CNTN3: variants seen among roughly 807,000 people sequenced by gnomAD.
The protein encoded by CNTN3 is contactin 3.
Under a neutral mutation model 119.1 loss-of-function variants are expected in CNTN3, and 60 were observed. The ratio of observed to expected loss-of-function variants is 0.50; its 90% CI spans 0.41 to 0.62. The LOEUF (loss-of-function observed/expected upper bound fraction) is 0.62, where lower values mean the gene tolerates loss of function less well. CNTN3 is among the 20% of genes least tolerant of loss of function. CNTN3 has a pLI of 0.00. For missense variants in CNTN3, 1,101 were observed against 1,242.4 expected (o/e 0.89, Z 1.71); for synonymous variants, 450 against 438.7 (o/e 1.03, Z -0.32).
intron 1 of CNTN3, among the ~76,000 whole-genome samples, chr3:74,605,848 G>A (rs952160098): frequency 6.6e-6 from 1 of 152,142 alleles, no homozygotes; most frequent in African/African-American, 2.4e-5. Flanking sequence ...TCAAGGGAAA[G>A]GGAAATGGAC....
At chr3:74,440,154 T>G (rs1380664804) in intron 4 of CNTN3, among the ~76,000 whole-genome samples, 1 of 152,204 alleles carries the variant, frequency 6.6e-6, no homozygotes, top group Non-Finnish European at 1.5e-5. Flanking sequence ...TGTGGTGCAT[T>G]TTTTGTCTGT....
At chr3:74,437,962 C>A (rs1196963618) in intron 4 of CNTN3, among the ~76,000 whole-genome samples, 1 of 152,140 alleles carries the variant, frequency 6.6e-6, no homozygotes, top group Non-Finnish European at 1.5e-5. Context: ...AAGACTATTA[C>A]ACAATATCAT....
rs192136866 is a variant in CNTN3, at chr3:74,367,080, C to T, written c.947-1378G>A. ...ACTGCCACATCAATTCTGATTTCTC[C>T]CTTTATTCCATCATATGAGATGCAA... On this transcript the variant is annotated intron_variant, in intron 8 of 22. Transcript: ENST00000263665. Among the ~76,000 whole-genome samples the T allele has an allele frequency of 9.9e-5, 15 of 151,536 alleles. 1 individual carries two copies. The highest frequency in any genetic ancestry group is 9.9e-4 in the Admixed American group (15 of 15,172).
At chr3:74,566,079 G>A (rs995803288) in intron 1 of CNTN3, among the ~76,000 whole-genome samples, 2 of 152,146 alleles carry the variant, frequency 1.3e-5, no homozygotes, top group Admixed American at 1.3e-4. Flanking sequence ...GTGGAACTAT[G>A]AGTCAATTAA....
At chr3:74,476,180 A>G (rs1040788394) in intron 4 of CNTN3, among the ~76,000 whole-genome samples, 1 of 152,210 alleles carries the variant, frequency 6.6e-6, no homozygotes, top group African/African-American at 2.4e-5. Context: ...AGAGAAACAC[A>G]CACAAAACAA....
intron 4 of CNTN3, among the ~76,000 whole-genome samples, chr3:74,462,112 C>G (rs993172109): frequency 6.6e-6 from 1 of 151,828 alleles, no homozygotes; most frequent in Admixed American, 6.6e-5. Flanking sequence ...GGGAACATCC[C>G]CTCTCACTCT....
chr3:74,348,204 A>G lies in CNTN3; in HGVS notation c.1365-11546T>C, dbSNP rs1204596089. On this transcript the variant is annotated intron_variant, in intron 11 of 22. Transcript: ENST00000263665. ...TGTTCTCAACACACACACACACACA[A>G]AATGGTAACTATGTGCGGTGATAGA... Among the ~76,000 whole-genome samples the G allele has an allele frequency of 3.9e-5, 6 of 152,074 alleles. No homozygotes were observed. In the South Asian group the frequency reaches 1.0e-3, roughly 26 times the overall value.
chr3:74,301,131 C>T (rs1457873634), intron 16 of CNTN3, among the ~76,000 whole-genome samples: 1 of 152,154 alleles, frequency 6.6e-6, no homozygotes, highest in African/African-American at 2.4e-5. Flanking sequence ...GTAATTATAA[C>T]CTTAAGTGAC....
chr3:74,275,928 TTAAAG>T (rs1183772137), intron 20 of CNTN3, among the ~76,000 whole-genome samples: 1 of 151,984 alleles, frequency 6.6e-6, no homozygotes, highest in Non-Finnish European at 1.5e-5. Flanking sequence ...ACATGAAAAC[TTAAAG>T]TAAAGGGCTG....
intron 11 of CNTN3, 82 bp from the exon 12 acceptor site, chr3:74,336,740 G>A (rs1703404885): frequency 4.4e-6 from 5 of 1,137,160 alleles, no homozygotes; most frequent in Non-Finnish European, 6.1e-6. Context: ...TACAGAACAT[G>A]TTGCCTTAAG....
intron 18 of CNTN3, among the ~76,000 whole-genome samples, chr3:74,297,129 C>T (rs1052391725): frequency 7.2e-5 from 11 of 151,984 alleles, no homozygotes; most frequent in African/African-American, 1.9e-4. Flanking sequence ...AATGAGATAC[C>T]GCTGCTCCTG....
intron 8 of CNTN3, among the ~76,000 whole-genome samples, chr3:74,368,426 A>G (rs1198313740): frequency 6.6e-6 from 1 of 152,094 alleles, no homozygotes; most frequent in Non-Finnish European, 1.5e-5. Flanking sequence ...TCTAATGATT[A>G]AAGTGCAAAT....
intron 1 of CNTN3, among the ~76,000 whole-genome samples, chr3:74,589,283 AAAAGTGGGC>A (rs1276732907): frequency 1.3e-5 from 2 of 152,180 alleles, no homozygotes; most frequent in African/African-American, 2.4e-5. Context: ...AACCGCATCA[AAAAGTGGGC>A]AAAGGATATG....
At chr3:74,433,275 G>T (rs1452669457) in intron 4 of CNTN3, among the ~76,000 whole-genome samples, 1 of 152,118 alleles carries the variant, frequency 6.6e-6, no homozygotes, top group African/African-American at 2.4e-5. Flanking sequence ...CTTCTACTAT[G>T]AACCTGCAAG....
intron 2 of CNTN3, among the ~76,000 whole-genome samples, chr3:74,519,011 G>A (rs1453008869): frequency 6.6e-6 from 1 of 151,710 alleles, no homozygotes; most frequent in Admixed American, 6.6e-5. Context: ...TTTCATGAAG[G>A]TAATCTAAAT....
chr3:74,291,849 T>G (rs1392270252), intron 19 of CNTN3, among the ~76,000 whole-genome samples: 1 of 152,108 alleles, frequency 6.6e-6, no homozygotes, highest in Non-Finnish European at 1.5e-5. Context: ...CTGGGGGCCA[T>G]GTTTGGTGAG....
intron 1 of CNTN3, among the ~76,000 whole-genome samples, chr3:74,538,604 G>A (rs1559650051): frequency 6.6e-6 from 1 of 152,158 alleles, no homozygotes; most frequent in Non-Finnish European, 1.5e-5. Flanking sequence ...ATTGGAGCAT[G>A]TGTATTTGAA....
chr3:74,333,431 G>T (rs992974116), intron 13 of CNTN3, among the ~76,000 whole-genome samples: 10 of 152,152 alleles, frequency 6.6e-5, no homozygotes, highest in Admixed American at 5.9e-4. Flanking sequence ...AGCTTCTGGT[G>T]GCTCCAGGCA....
intron 20 of CNTN3, among the ~76,000 whole-genome samples, chr3:74,274,168 G>A (rs988317187): frequency 4.6e-5 from 7 of 152,004 alleles, no homozygotes; most frequent in Non-Finnish European, 1.0e-4. Context: ...GCTGTAGGAG[G>A]AGGTCAGACA....
Sources: gnomAD v4.1 joint callset for allele counts (sites outside exome capture counted in the v4.1 genomes callset) on GRCh38, gnomAD v4.1.1 for gene constraint, MANE v1.5 for transcripts, NCBI Gene and HGNC (gene_info 2026-07-23, HGNC 2026-07-21) for gene names.